The following COL25A1 variants were observed in gnomAD, a reference collection of about 807,000 sequenced individuals.
COL25A1 encodes collagen alpha-1(XXV) chain.
A neutral mutation model predicts 128.4 loss-of-function variants in COL25A1; 103 were observed. The observed-to-expected ratio is 0.80, with a 90% CI of 0.68 to 0.94. The LOEUF (loss-of-function observed/expected upper bound fraction) is 0.94, where lower values mean the gene tolerates loss of function less well. Ranked by LOEUF, COL25A1 falls within the 40% of genes least tolerant of loss-of-function variation. COL25A1 has a pLI of 0.00. For synonymous variants in COL25A1, 279 were observed against 277.2 expected (o/e 1.01, Z -0.06); for missense variants, 745 against 840.0 (o/e 0.89, Z 1.40).
intron 3 of COL25A1, among the ~76,000 whole-genome samples, chr4:109,074,039 TG>T (rs1404776069): frequency 3.9e-5 from 6 of 152,184 alleles, no homozygotes; most frequent in Admixed American, 3.3e-4. Context: ...CAAGGGTGGG[TG>T]GCTGTGGTTT....
chr4:108,896,602 C>T (rs1742182276), intron 16 of COL25A1, 65 bp downstream of exon 16: 1 of 1,392,292 alleles, frequency 7.2e-7, no homozygotes, highest in Admixed American at 1.7e-5. Context: ...AATCCCCCAT[C>T]TTCATAAACT....
At chr4:108,947,447 AAAAAAG>A (rs567908849) in intron 8 of COL25A1, among the ~76,000 whole-genome samples, 2 of 151,964 alleles carry the variant, frequency 1.3e-5, no homozygotes, top group Admixed American at 6.5e-5. Flanking sequence ...CGTCTCAAAA[AAAAAAG>A]AAAAAGAAAA....
intron 8 of COL25A1, among the ~76,000 whole-genome samples, chr4:108,946,679 A>C (rs534466480): frequency 6.6e-6 from 1 of 152,266 alleles, no homozygotes; most frequent in African/African-American, 2.4e-5. Flanking sequence ...ACAGAGTGAT[A>C]AGTATTATGG....
intron 35 of COL25A1, among the ~76,000 whole-genome samples, chr4:108,821,432 C>G (rs1019539637): frequency 1.3e-5 from 2 of 152,208 alleles, no homozygotes; most frequent in Non-Finnish European, 2.9e-5. Flanking sequence ...TAACAAATCA[C>G]TTCAGTACCA....
intron 3 of COL25A1, among the ~76,000 whole-genome samples, chr4:109,110,810 T>C (rs1318769471): frequency 6.6e-6 from 1 of 152,206 alleles, no homozygotes; most frequent in Non-Finnish European, 1.5e-5. Flanking sequence ...CCATCAGTTC[T>C]GGAGAACATA....
At chr4:109,244,251 AAC>A (rs1302671712) in intron 3 of COL25A1, among the ~76,000 whole-genome samples, 1 of 152,078 alleles carries the variant, frequency 6.6e-6, no homozygotes, top group Non-Finnish European at 1.5e-5. Flanking sequence ...ACAATAGAAA[AAC>A]AGTGTCTACA....
chr4:109,068,567 T>C (rs1047891607), intron 3 of COL25A1, among the ~76,000 whole-genome samples: 1 of 152,168 alleles, frequency 6.6e-6, no homozygotes, highest in Non-Finnish European at 1.5e-5. Context: ...ATAATGAATC[T>C]GATAATCCTA....
At chr4:108,973,985 G>A (rs1211945060) in intron 8 of COL25A1, among the ~76,000 whole-genome samples, 2 of 152,174 alleles carry the variant, frequency 1.3e-5, no homozygotes, top group Non-Finnish European at 2.9e-5. Flanking sequence ...GCAATAGCAC[G>A]TAAGGTTTAA....
At chr4:108,994,845 C>T (rs1754598685) in intron 6 of COL25A1, among the ~76,000 whole-genome samples, 1 of 152,130 alleles carries the variant, frequency 6.6e-6, no homozygotes, top group Non-Finnish European at 1.5e-5. Context: ...GAGTGGACCT[C>T]CAGCAAACTC....
At chr4:108,933,773 T>TCACAGACTATAGTCATACAC (rs1275756059) in intron 11 of COL25A1, among the ~76,000 whole-genome samples, 3 of 151,808 alleles carry the variant, frequency 2.0e-5, no homozygotes, top group Admixed American at 1.3e-4. Flanking sequence ...GTAAAAAGGA[T>TCACAGACTATAGTCATACAC]CACAGACTAT....
intron 6 of COL25A1, among the ~76,000 whole-genome samples, chr4:108,996,106 T>G (rs1754742701): frequency 1.3e-5 from 2 of 151,956 alleles, no homozygotes; most frequent in African/African-American, 2.4e-5. Context: ...AAGATCAAAT[T>G]CACACATAAA....
intron 18 of COL25A1, among the ~76,000 whole-genome samples, chr4:108,885,419 G>A (rs1458062148): frequency 6.6e-6 from 1 of 152,068 alleles, no homozygotes; most frequent in African/African-American, 2.4e-5. Flanking sequence ...CTTCAGGAAT[G>A]CAAAAGAAAA....
chr4:109,026,852 A>G (rs918986609), intron 5 of COL25A1, among the ~76,000 whole-genome samples: 1 of 152,204 alleles, frequency 6.6e-6, no homozygotes, highest in Non-Finnish European at 1.5e-5. Context: ...TCAGAGAAGA[A>G]GAATGCGGAG....
chr4:109,061,469 G>A (rs182419338), intron 3 of COL25A1, among the ~76,000 whole-genome samples: 64 of 152,302 alleles, frequency 4.2e-4, no homozygotes, highest in African/African-American at 1.5e-3. Flanking sequence ...AGGAGGAGCT[G>A]CTATTTTGTC....
At chr4:108,854,288 C>T (rs1018383962) in intron 24 of COL25A1, among the ~76,000 whole-genome samples, 4 of 152,038 alleles carry the variant, frequency 2.6e-5, no homozygotes, top group African/African-American at 4.8e-5. Flanking sequence ...TAGGCAATAC[C>T]ATTCAGGTCA....
At chr4:109,141,419 G>A (rs576136335) in intron 3 of COL25A1, among the ~76,000 whole-genome samples, 67 of 152,262 alleles carry the variant, frequency 4.4e-4, no homozygotes, top group African/African-American at 1.6e-3. Flanking sequence ...TCTCTGCCAG[G>A]TTTTGGTATC....
At chr4:109,210,956 T>C (rs942810893) in intron 3 of COL25A1, among the ~76,000 whole-genome samples, 3 of 151,838 alleles carry the variant, frequency 2.0e-5, no homozygotes, top group Non-Finnish European at 4.4e-5. Context: ...CAATTATAAG[T>C]GGGAGCTAAA....
intron 8 of COL25A1, among the ~76,000 whole-genome samples, chr4:108,965,439 C>T (rs73838509): frequency 8.5e-5 from 13 of 152,264 alleles, no homozygotes; most frequent in African/African-American, 2.2e-4. Flanking sequence ...AACTTCATGA[C>T]GTTTCTTCAT....
chr4:109,153,439 G>C (rs1278168848), intron 3 of COL25A1, among the ~76,000 whole-genome samples: 1 of 150,824 alleles, frequency 6.6e-6, no homozygotes, highest in African/African-American at 2.4e-5. Context: ...AAAAAGAAAG[G>C]AAAAAGAAGA....
Sources: gnomAD v4.1 joint callset for allele counts (sites outside exome capture counted in the v4.1 genomes callset) on GRCh38, gnomAD v4.1.1 for gene constraint, MANE v1.5 for transcripts, NCBI Gene and HGNC (gene_info 2026-07-23, HGNC 2026-07-21) for gene names.